CYP2W1: variants seen among roughly 807,000 people sequenced by gnomAD.
CYP2W1 encodes the protein cytochrome P450 2W1.
CYP2W1 carries 51 observed loss-of-function variants against 44.9 expected under a neutral mutation model. The observed-to-expected ratio is 1.14, with a 90% CI of 0.91 to 1.43. The LOEUF (loss-of-function observed/expected upper bound fraction) is 1.43. Ranked by LOEUF, CYP2W1 falls within the 40% of genes most tolerant of loss-of-function variation. The probability of loss-of-function intolerance (pLI) is 0.00; values close to 1 mark genes in which losing one functional copy is unlikely to be tolerated. For missense variants in CYP2W1, 746 were observed against 700.0 expected (o/e 1.07, Z -0.74); for synonymous variants, 383 against 338.3 (o/e 1.13, Z -1.45).
At chr7:988,443 G>A (rs368314246) in intron 8 of CYP2W1, 25 bp downstream of exon 8, 9 of 1,611,442 alleles carry the variant, frequency 5.6e-6, no homozygotes, top group Admixed American at 1.7e-5. Context: ...GGGCCGGGGT[G>A]GGGCGGCACC....
At chr7:988,459 G>T (rs1179791359) in intron 8 of CYP2W1, 41 bp downstream of exon 8, 11 of 1,609,840 alleles carry the variant, frequency 6.8e-6, no homozygotes, top group Non-Finnish European at 6.8e-6. Flanking sequence ...GCACCTCCAG[G>T]GCTCCAGGGG....
intron 1 of CYP2W1, among the ~76,000 whole-genome samples, chr7:983,678 C>T (rs908995608): frequency 1.3e-5 from 2 of 152,232 alleles, no homozygotes; most frequent in African/African-American, 2.4e-5. Context: ...GCTGAGAGCC[C>T]GCAGGAGGCC....
At position 987,370 on chromosome 7, in the gene CYP2W1, C is replaced by A; in HGVS notation, c.982C>A (p.Arg328Ser). The change falls in exon 7 of 9, where the codon CGC (arginine) becomes AGC (serine). Residue 328 changes from arginine (R) to serine (S), a missense_variant. By Grantham distance (110) the Arg-to-Ser change is moderately radical. Coordinates refer to ENST00000308919, the MANE Select transcript of CYP2W1 (RefSeq NM_017781.3). ...VQGRVQEELD[R>S]VLGPGRTPRL... The stretch of plus-strand genomic sequence containing the variant: ...AGGCCGGGTGCAGGAGGAGCTAGAC[C>A]GCGTGCTGGGCCCTGGGCGGACTCC... The A allele has an allele frequency of 6.3e-7, 1 of 1,591,714 alleles. No homozygotes were observed. Among genetic ancestry groups the A allele is most frequent in the Admixed American group, 1.7e-5 (1 of 59,394 alleles).
intron 2 of CYP2W1, 104 bp downstream of exon 2, chr7:984,678 G>A (rs1848191183): frequency 1.4e-6 from 2 of 1,451,364 alleles, no homozygotes. Context: ...GGGTGGCCTG[G>A]GGAAGAGCAG....
rs752013339 is a variant in CYP2W1 at position 987,256 on chromosome 7, G to A, written c.958+11G>A. On this transcript the variant is annotated intron_variant, in intron 6 of 8. Coordinates refer to ENST00000308919, the MANE Select transcript of CYP2W1 (RefSeq NM_017781.3). The stretch of plus-strand genomic sequence containing the variant: ...ACCCGGACGTGCAGGGTGAGACCCC[G>A]GCGCCTGGCGAGACGGCTCCTTCTG... 8.6e-6 allele frequency: 13 copies of A among 1,510,010 alleles called. No individual in the cohort carries two copies. The highest frequency in any genetic ancestry group is 3.7e-5 in the South Asian group (3 of 81,590). 93.5% of individuals were successfully genotyped at this position (1,510,010 alleles called of 1,614,324 possible).
At position 988,899 on chromosome 7, in the gene CYP2W1, C is replaced by T. The variant is rs1277710688; in HGVS notation, c.*77C>T. 53 of 946,344 alleles carry T rather than the reference C, an allele frequency of 5.6e-5. No homozygotes were observed. The highest frequency in any genetic ancestry group is 7.9e-5 in the Non-Finnish European group (51 of 643,418). 58.6% of individuals were successfully genotyped at this position (946,344 alleles called of 1,614,324 possible). On this transcript the variant is annotated 3_prime_UTR_variant, in exon 9 of 9. Transcript: ENST00000308919. ...TCCTCCCACCCTCTCTCCTCCCACC[C>T]CACAGCTCGGACTGCTCTGGGAGGG... is the stretch of plus-strand genomic sequence containing the variant.
Position 984,589 on chromosome 7 carries a change from G to C in CYP2W1, c.337+15G>C, listed in dbSNP as rs373124110. The C allele has an allele frequency of 6.4e-7, 1 of 1,554,690 alleles. No homozygotes were observed. Among genetic ancestry groups the C allele is most frequent in the Non-Finnish European group, 8.7e-7 (1 of 1,154,956 alleles). ...GCGAGGTGGAGGTCGGTGTGTGGCC[G>C]GCGCTACGGGGCCTACTGGGTGTGG... On this transcript the variant is annotated intron_variant, in intron 2 of 8. Transcript: ENST00000308919.
Position 984,508 on chromosome 7 carries a change from G to T in CYP2W1, c.271G>T (p.Gly91Cys). ...GFEAVKEALA[G>C]PGQELADRPP... ...CGAGGCGGTCAAAGAGGCGCTGGCG[G>T]GCCCCGGGCAGGAGCTGGCCGACCG... The change falls in exon 2 of 9, where the codon GGC (glycine) becomes TGC (cysteine). Residue 91 changes from glycine (G) to cysteine (C), a missense_variant. By Grantham distance (159) the Gly-to-Cys change is radical. Transcript: ENST00000308919. The T allele has an allele frequency of 6.4e-7, 1 of 1,552,424 alleles. No homozygotes were observed. Among genetic ancestry groups the T allele is most frequent in the South Asian group, 1.2e-5 (1 of 84,372 alleles).
rs1322922907 is a variant in CYP2W1 at position 984,567 on chromosome 7, A to T, written c.330A>T (p.Arg110=). Residue 110 remains arginine, a synonymous_variant, in exon 2 of 9, where the codon CGA becomes CGT. Coordinates refer to ENST00000308919, the MANE Select transcript of CYP2W1 (RefSeq NM_017781.3). ...PPIAIFQLIQ[R]GGGIFFSSGA... ...TCGCCATCTTCCAGCTCATCCAGCG[A>T]GGTGGAGGTCGGTGTGTGGCCGGCG... is the stretch of plus-strand genomic sequence containing the variant. 1.9e-6 allele frequency: 3 copies of T among 1,561,820 alleles called. No homozygotes were observed. The South Asian group carries it at 3.5e-5, about 18-fold the overall frequency.
chr7:987,845 C>G (rs537213040), intron 7 of CYP2W1, among the ~76,000 whole-genome samples: 1 of 149,094 alleles, frequency 6.7e-6, no homozygotes, highest in Non-Finnish European at 1.5e-5. Context: ...CCTCTGTATC[C>G]TGGGGGGGTC....
intron 2 of CYP2W1, 107 bp from the exon 3 acceptor site, chr7:984,843 C>G: frequency 7.0e-7 from 1 of 1,428,846 alleles, no homozygotes; most frequent in Non-Finnish European, 9.4e-7. Context: ...GGGTGAGGGC[C>G]CAGCCAGTCT....
In CYP2W1 at chr7:984,934, C is replaced by A; in HGVS notation, c.338-16C>A. 1 of 1,581,558 alleles carries A rather than the reference C, an allele frequency of 6.3e-7. No homozygotes were observed. The highest frequency in any genetic ancestry group is 8.6e-7 in the Non-Finnish European group (1 of 1,168,726). On this transcript the variant is annotated splice_polypyrimidine_tract_variant and intron_variant, in intron 2 of 8. Coordinates refer to ENST00000308919, the MANE Select transcript of CYP2W1 (RefSeq NM_017781.3). ...GGTGGGAACCTGGGCTCACCACGCA[C>A]TGTATCTGCCTACAGGCATCTTCTT... is the stretch of plus-strand genomic sequence containing the variant.
intron 5 of CYP2W1, 53 bp downstream of exon 5, chr7:986,850 C>A (rs1026988858): frequency 2.1e-6 from 3 of 1,450,214 alleles, no homozygotes; most frequent in Admixed American, 5.3e-5. Flanking sequence ...CTGAGGGACA[C>A]CCCAGGGGAG....
At chr7:987,291 G>A (rs770573282) in intron 6 of CYP2W1, 46 bp downstream of exon 6, 2 of 1,509,968 alleles carry the variant, frequency 1.3e-6, no homozygotes, top group South Asian at 1.2e-5. Flanking sequence ...GCCCCCGGGG[G>A]ACCCCCAGGG....
At chr7:985,960 C>T (rs193249543) in intron 4 of CYP2W1, among the ~76,000 whole-genome samples, 19 of 152,268 alleles carry the variant, frequency 1.2e-4, no homozygotes, top group African/African-American at 4.1e-4. Context: ...AGCTTCCACC[C>T]GTCCTAGCCA....
At chr7:986,554 G>C (rs1320425186) in intron 4 of CYP2W1, 70 bp from the exon 5 acceptor site, 21 of 1,566,762 alleles carry the variant, frequency 1.3e-5, no homozygotes, top group African/African-American at 4.1e-5. Flanking sequence ...CGCTGGGGAC[G>C]ATCACCGCCT....
At position 983,314 on chromosome 7, in the gene CYP2W1, C is replaced by T; in HGVS notation, c.103C>T (p.Pro35Ser). 2 of 1,540,996 alleles carry T rather than the reference C, an allele frequency of 1.3e-6. No homozygotes were observed. The highest frequency in any genetic ancestry group is 8.7e-7 in the Non-Finnish European group (1 of 1,144,888). ...CCCAGCTGCCCGGTGGCCCCCGGGG[C>T]CTCGCCCGCTGCCGCTCGTCGGGAA... ...PSPAARWPPG[P>S]RPLPLVGNLH... Residue 35 changes from proline (P) to serine (S), a missense_variant, in exon 1 of 9, where the codon CCT becomes TCT. Pro to Ser is a moderately conservative substitution (Grantham distance 74). Transcript: ENST00000308919.
chr7:984,824 TG>T, intron 2 of CYP2W1, 125 bp from the exon 3 acceptor site: 3 of 1,317,006 alleles, frequency 2.3e-6, no homozygotes, highest in Non-Finnish European at 3.1e-6. Flanking sequence ...GGGACGGGAG[TG>T]GGGATGGGGG....
rs750568664 is a variant in CYP2W1, at chr7:988,657, G to A, written c.1308G>A (p.Glu436=). 1 of 1,601,636 alleles carries A rather than the reference G, an allele frequency of 6.2e-7. No homozygotes were observed. Among genetic ancestry groups the A allele is most frequent in the Non-Finnish European group, 8.5e-7 (1 of 1,179,548 alleles). The part of the protein sequence containing the change: ...FSAGRRVCVG[E]RLARTELFLL... ...CAGGCCGCCGCGTCTGTGTTGGGGAGCGCCTGGCCAGGACCGAGCTCTTCC... is the reference window on the plus strand; with the variant it reads ...CAGGCCGCCGCGTCTGTGTTGGGGAACGCCTGGCCAGGACCGAGCTCTTCC... The change falls in exon 9 of 9, where the codon GAG becomes GAA. Residue 436 remains glutamate (E), a synonymous_variant. Transcript: ENST00000308919.
Sources: allele counts gnomAD v4.1 joint callset (sites outside exome capture counted in the v4.1 genomes callset), GRCh38; gene constraint gnomAD v4.1.1; transcripts MANE v1.5; gene names NCBI Gene and HGNC (gene_info 2026-07-23, HGNC 2026-07-21).